The following UQCC1 variants were observed in gnomAD, a reference collection of about 807,000 sequenced individuals.
UQCC1 encodes the protein ubiquinol-cytochrome c reductase complex assembly factor 1.
A neutral mutation model predicts 48.0 loss-of-function variants in UQCC1; 38 were observed. The ratio of observed to expected loss-of-function variants is 0.79; its 90% confidence interval spans 0.61 to 1.04. The LOEUF is 1.04. Ranked by LOEUF, UQCC1 falls within the 50% of genes least tolerant of loss-of-function variation. The pLI is 0.00. For synonymous variants in UQCC1, 111 were observed against 129.2 expected, an observed-to-expected ratio of 0.86 and a Z score of 0.95; for missense variants, 368 against 381.8, an observed-to-expected ratio of 0.96 and a Z score of 0.30.
chr20:35,316,933 C>T (rs949590122), intron 7 of UQCC1, among the ~76,000 whole-genome samples: 2 of 149,650 alleles, frequency 1.3e-5, no homozygotes, highest in Non-Finnish European at 3.0e-5. Context: ...CCACCACGCC[C>T]GGCCCATTTC....
chr20:35,303,079 A>G lies in UQCC1; in HGVS notation c.*856T>C, dbSNP rs928677619. 2.0e-5 allele frequency: 3 copies of G among 152,270 alleles called. No homozygotes were observed. The highest frequency in any genetic ancestry group is 7.2e-5 in the African/African-American group (3 of 41,454). The allele number at this position is 152,270 out of a possible 1,614,324, so 9.4% of individuals were successfully genotyped here. A position where few individuals can be genotyped will look rare whatever the true frequency, so the allele number is the denominator to read the frequency against. On this transcript the variant is annotated 3_prime_UTR_variant, in exon 10 of 10. Coordinates refer to ENST00000374385, the MANE Select transcript of UQCC1 (RefSeq NM_018244.5). ...AGCTGGGCACAGGTCTGGGTCTGCT[A>G]CAACTAAGCCAGGAGGAATGTTCTC...
At chr20:35,343,390 C>T (rs2061401645) in intron 7 of UQCC1, among the ~76,000 whole-genome samples, 1 of 152,188 alleles carries the variant, frequency 6.6e-6, no homozygotes, top group Admixed American at 6.5e-5. Flanking sequence ...TCTACACTGC[C>T]TATTACTTCT....
chr20:35,411,872 C>A, intron 1 of UQCC1, 68 bp downstream of exon 1: 1 of 1,602,512 alleles, frequency 6.2e-7, no homozygotes, highest in Non-Finnish European at 8.6e-7. Flanking sequence ...CAATTCCTCC[C>A]GCCCTGCCTT....
intron 6 of UQCC1, among the ~76,000 whole-genome samples, chr20:35,360,066 CTA>C (rs1404447015): frequency 6.6e-6 from 1 of 152,154 alleles, no homozygotes; most frequent in Non-Finnish European, 1.5e-5. Flanking sequence ...GTCAGATCCA[CTA>C]TAAAGAATAA....
chr20:35,382,055 T>A, intron 3 of UQCC1, 30 bp from the exon 4 acceptor site: 1 of 1,470,646 alleles, frequency 6.8e-7, no homozygotes, highest in Non-Finnish European at 9.3e-7. Context: ...AAAACTAAAA[T>A]TAGTTGCAAA....
In UQCC1 at chr20:35,347,287, G is replaced by C. The variant is rs112414920; in HGVS notation, c.465-15C>G. On this transcript the variant is annotated splice_polypyrimidine_tract_variant and intron_variant, in intron 6 of 9. Transcript: ENST00000374385. ...CTAGACACATCCTGGGTGGGAAGAA[G>C]ACAAAAAAAGTCTTGGCTGTTTGCA... 184 of 1,612,256 alleles carry C rather than the reference G, an allele frequency of 1.1e-4. 1 individual carries two copies. In the African/African-American group the frequency reaches 1.9e-3, roughly 17 times the overall value.
intron 7 of UQCC1, among the ~76,000 whole-genome samples, chr20:35,337,182 G>C (rs928445761): frequency 2.0e-5 from 3 of 151,672 alleles, no homozygotes; most frequent in African/African-American, 4.9e-5. Flanking sequence ...ATGCCCTAGA[G>C]CTAGCATTCT....
At chr20:35,392,898 A>G (rs1393835009) in intron 2 of UQCC1, among the ~76,000 whole-genome samples, 1 of 152,040 alleles carries the variant, frequency 6.6e-6, no homozygotes, top group East Asian at 1.9e-4. Context: ...ACAGATAAAA[A>G]TCATAAATTG....
chr20:35,305,465 G>A (rs564617297), intron 9 of UQCC1, among the ~76,000 whole-genome samples: 2 of 152,252 alleles, frequency 1.3e-5, no homozygotes, highest in African/African-American at 4.8e-5. Flanking sequence ...ATGTTGGGCA[G>A]GTCTCTCAGA....
intron 5 of UQCC1, 110 bp from the exon 6 acceptor site, chr20:35,366,724 T>A (rs2061670792): frequency 1.1e-6 from 1 of 889,492 alleles, no homozygotes; most frequent in African/African-American, 1.7e-5. Flanking sequence ...ATTATGCTAT[T>A]GCAGAAAAGT....
chr20:35,382,028 G>C lies in UQCC1; in HGVS notation c.226-3C>G, dbSNP rs773946696. 6.9e-5 allele frequency: 108 copies of C among 1,574,070 alleles called. No individual in the cohort carries two copies. Among genetic ancestry groups the C allele is most frequent in the Non-Finnish European group, 9.0e-5 (105 of 1,163,046 alleles). ...GGGGAATCTTTGGTAGTAGAAAGCT[G>C]ATTAACCAAAAAGAAAAAAACTAAA... On this transcript the variant is annotated splice_region_variant and splice_polypyrimidine_tract_variant and intron_variant, in intron 3 of 9. Coordinates refer to ENST00000374385, the MANE Select transcript of UQCC1 (RefSeq NM_018244.5).
At chr20:35,317,219 T>C (rs1217859445) in intron 7 of UQCC1, among the ~76,000 whole-genome samples, 1 of 152,220 alleles carries the variant, frequency 6.6e-6, no homozygotes, top group Non-Finnish European at 1.5e-5. Flanking sequence ...ATTACAGGCG[T>C]GAGCCACTGC....
chr20:35,394,846 C>T (rs2062055147), intron 1 of UQCC1, among the ~76,000 whole-genome samples: 1 of 152,164 alleles, frequency 6.6e-6, no homozygotes, highest in South Asian at 2.1e-4. Flanking sequence ...TTCAGACTCC[C>T]ATCACAAGTA....
At chr20:35,312,296 A>G (rs2061003147) in intron 8 of UQCC1, among the ~76,000 whole-genome samples, 1 of 152,196 alleles carries the variant, frequency 6.6e-6, no homozygotes, top group African/African-American at 2.4e-5. Context: ...ATAGTATGCA[A>G]TGTAAATGCT....
At chr20:35,341,547 A>T (rs113563276) in intron 7 of UQCC1, among the ~76,000 whole-genome samples, 79 of 152,360 alleles carry the variant, frequency 5.2e-4, no homozygotes, top group African/African-American at 1.8e-3. Context: ...GGGCAATAAC[A>T]GGCACTTTGG....
At chr20:35,358,356 C>CAAAAAAAAAAAAAA (rs1198006186) in intron 6 of UQCC1, among the ~76,000 whole-genome samples, 1 of 49,394 alleles carries the variant, frequency 2.0e-5, no homozygotes, top group Non-Finnish European at 3.3e-5. Flanking sequence ...GACTCTGTCT[C>CAAAAAAAAAAAAAA]AAAAAAAAAA....
At chr20:35,319,359 G>C (rs1447550002) in intron 7 of UQCC1, among the ~76,000 whole-genome samples, 1 of 152,138 alleles carries the variant, frequency 6.6e-6, no homozygotes, top group African/African-American at 2.4e-5. Flanking sequence ...TAGGAGGCTT[G>C]GCTAAATGAG....
At chr20:35,383,319 A>C (rs1415724442) in intron 3 of UQCC1, among the ~76,000 whole-genome samples, 1 of 152,254 alleles carries the variant, frequency 6.6e-6, no homozygotes, top group African/African-American at 2.4e-5. Flanking sequence ...TTTATTTTTA[A>C]CATGTAAAAA....
intron 6 of UQCC1, among the ~76,000 whole-genome samples, chr20:35,348,763 C>T (rs544083298): frequency 3.9e-5 from 6 of 152,308 alleles, no homozygotes; most frequent in African/African-American, 9.6e-5. Flanking sequence ...AAGGGAGCCT[C>T]CTGCCTCAGC....
Sources: gnomAD v4.1 joint callset for allele counts (sites outside exome capture counted in the v4.1 genomes callset) on GRCh38, gnomAD v4.1.1 for gene constraint, MANE v1.5 for transcripts, NCBI Gene and HGNC (gene_info 2026-07-23, HGNC 2026-07-21) for gene names.